Variants in DEAF1 observed in about 807,000 individuals in gnomAD.
The protein encoded by DEAF1 is DEAF1 transcription factor, also known as deformed epidermal autoregulatory factor 1 homolog.
A neutral mutation model predicts 58.9 loss-of-function variants in DEAF1; 53 were observed. The ratio of observed to expected loss-of-function variants is 0.90; its 90% CI spans 0.72 to 1.13. The LOEUF (loss-of-function observed/expected upper bound fraction) is 1.13, where lower values mean the gene tolerates loss of function less well. Ranked by LOEUF, DEAF1 falls within the 50% of genes most tolerant of loss-of-function variation. The probability of loss-of-function intolerance (pLI) is 0.00; values close to 1 mark genes in which losing one functional copy is unlikely to be tolerated. For synonymous variants in DEAF1, 385 were observed against 340.4 expected (o/e 1.13, Z -1.44); for missense variants, 685 against 791.4 (o/e 0.87, Z 1.61).
intron 1 of DEAF1, chr11:703,479 C>T (rs1861593282): frequency 7.9e-7 from 1 of 1,258,016 alleles, no homozygotes; most frequent in African/African-American, 1.5e-5. Context: ...CATGGGCCCC[C>T]AGGGCCGAGA....
At chr11:679,954 A>G in intron 7 of DEAF1, 138 bp from the exon 8 acceptor site, 1 of 1,204,434 alleles carries the variant, frequency 8.3e-7, no homozygotes, top group Non-Finnish European at 1.2e-6. Flanking sequence ...CTCCCATGTG[A>G]AGGACACGGG....
chr11:655,515 G>A (rs1210026588), intron 10 of DEAF1, among the ~76,000 whole-genome samples: 3 of 147,426 alleles, frequency 2.0e-5, no homozygotes, highest in African/African-American at 7.6e-5. Context: ...CGACCTGCAC[G>A]CCCGCTATGC....
chr11:648,085 C>T (rs982467500), intron 11 of DEAF1, among the ~76,000 whole-genome samples: 3 of 151,000 alleles, frequency 2.0e-5, no homozygotes, highest in African/African-American at 4.9e-5. Context: ...TTGACCCAGG[C>T]GGTGCTGGGA....
At chr11:649,913 C>G (rs1858682111) in intron 11 of DEAF1, among the ~76,000 whole-genome samples, 1 of 151,562 alleles carries the variant, frequency 6.6e-6, no homozygotes, top group South Asian at 2.1e-4. Flanking sequence ...ATAATCCCAG[C>G]TACTCAGGAG....
intron 10 of DEAF1, among the ~76,000 whole-genome samples, chr11:662,749 G>T (rs987827448): frequency 3.9e-4 from 59 of 152,170 alleles, no homozygotes; most frequent in African/African-American, 1.4e-3. Flanking sequence ...CCTGGGTGCT[G>T]TACCATGATG....
At chr11:655,656 T>C (rs1859014299) in intron 10 of DEAF1, among the ~76,000 whole-genome samples, 1 of 152,206 alleles carries the variant, frequency 6.6e-6, no homozygotes, top group Non-Finnish European at 1.5e-5. Context: ...GCAGACCTGC[T>C]CCGAGGTTCT....
chr11:652,307 A>C (rs958355291), intron 11 of DEAF1, among the ~76,000 whole-genome samples: 5 of 152,184 alleles, frequency 3.3e-5, no homozygotes, highest in South Asian at 4.1e-4. Flanking sequence ...TCACACGGCA[A>C]ATATTTTCAA....
At chr11:694,473 C>G in intron 1 of DEAF1, 1 of 300,450 alleles carries the variant, frequency 3.3e-6, no homozygotes. Context: ...TCACCTGGAG[C>G]AGGTACGTGG....
chr11:662,747 C>A (rs1445861336), intron 10 of DEAF1, among the ~76,000 whole-genome samples: 1 of 152,210 alleles, frequency 6.6e-6, no homozygotes, highest in Non-Finnish European at 1.5e-5. Context: ...TGCCTGGGTG[C>A]TGTACCATGA....
chr11:687,760 T>G, intron 4 of DEAF1, 151 bp downstream of exon 4: 1 of 963,336 alleles, frequency 1.0e-6, no homozygotes, highest in Non-Finnish European at 1.6e-6. Flanking sequence ...CTTCCCAAAG[T>G]GCTGGTATTA....
chr11:700,406 A>G (rs766573888), intron 1 of DEAF1, among the ~76,000 whole-genome samples: 1 of 151,994 alleles, frequency 6.6e-6, no homozygotes, highest in Admixed American at 6.6e-5. Context: ...GGGCGCCTGT[A>G]GTCCCAGCTA....
intron 11 of DEAF1, among the ~76,000 whole-genome samples, chr11:646,126 A>G (rs759022845): frequency 4.0e-5 from 6 of 151,876 alleles, no homozygotes; most frequent in Non-Finnish European, 7.4e-5. Flanking sequence ...GGTCATGCGC[A>G]CCTGCAATCT....
intron 1 of DEAF1, chr11:700,523 TC>T: frequency 2.1e-6 from 2 of 968,742 alleles, no homozygotes; most frequent in Non-Finnish European, 3.2e-6. Flanking sequence ...CAAGACCCTG[TC>T]TCAAAAAAAA....
intron 6 of DEAF1, 134 bp downstream of exon 6, chr11:684,761 CAGG>C (rs1241557246): frequency 6.5e-6 from 5 of 772,786 alleles, no homozygotes; most frequent in East Asian, 2.7e-5. Flanking sequence ...CAGAGCAACC[CAGG>C]AGAAGTGAGG....
Position 673,680 on chromosome 11 carries a change from G to GTCCT in DEAF1, c.1503+852_1503+855dup, listed in dbSNP as rs757538265. Reference sequence around the variant, plus strand: ...AGCAGCTACAACAAAATCCATCCCTGTCCTTTCCTGTGGCCTTCAGAGCTC... The same window carrying GTCCT: ...AGCAGCTACAACAAAATCCATCCCTGTCCTTCCTTTCCTGTGGCCTTCAGAGCTC... On this transcript the variant is annotated intron_variant, in intron 10 of 11. Transcript: ENST00000382409. 6.6e-5 allele frequency among the ~76,000 whole-genome samples: 10 copies of GTCCT among 152,260 alleles called. No individual in the cohort carries two copies. The South Asian group carries it at 1.9e-3, about 28-fold the overall frequency.
chr11:669,264 A>T (rs1001946901), intron 10 of DEAF1, among the ~76,000 whole-genome samples: 5 of 151,870 alleles, frequency 3.3e-5, no homozygotes, highest in Non-Finnish European at 7.4e-5. Context: ...AATAAATCGT[A>T]ATCAATTTAA....
At chr11:689,199 T>C (rs1357931861) in intron 2 of DEAF1, among the ~76,000 whole-genome samples, 2 of 136,528 alleles carry the variant, frequency 1.5e-5, no homozygotes, top group East Asian at 4.7e-4. Context: ...TTTTTTTCTT[T>C]TTCTTTTTTT....
At chr11:681,968 G>A (rs947916721) in intron 6 of DEAF1, among the ~76,000 whole-genome samples, 2 of 152,212 alleles carry the variant, frequency 1.3e-5, no homozygotes, top group African/African-American at 4.8e-5. Context: ...ATCAGACACC[G>A]CAGGTGATAC....
At position 657,466 on chromosome 11, in the gene DEAF1, A is replaced by G. The variant is rs10751660; in HGVS notation, c.1504-3415T>C. Among the ~76,000 whole-genome samples the G allele has an allele frequency of 6.4e-4, 98 of 152,332 alleles. 1 individual carries two copies. The East Asian group carries it at 0.019, about 29-fold the overall frequency. ...GCTCAGAGTTTAAAACACATATAAA[A>G]TGAGCCCATCCGGATACAAACAAAT... On this transcript the variant is annotated intron_variant, in intron 10 of 11. Transcript: ENST00000382409.
Sources: gnomAD v4.1 joint callset for allele counts (sites outside exome capture counted in the v4.1 genomes callset) on GRCh38, gnomAD v4.1.1 for gene constraint, MANE v1.5 for transcripts, NCBI Gene and HGNC (gene_info 2026-07-23, HGNC 2026-07-21) for gene names.